The following NLRP2 variants were observed in gnomAD, a reference collection of about 807,000 sequenced individuals.
The protein encoded by NLRP2 is NLR family pyrin domain containing 2, also known as NACHT, LRR and PYD domains-containing protein 2.
In NLRP2, 107 loss-of-function variants were observed where a neutral mutation model predicts 97.2. The ratio of observed to expected loss-of-function variants is 1.10; its 90% CI spans 0.94 to 1.29. The LOEUF is 1.29. Ranked by LOEUF, NLRP2 falls within the 50% of genes most tolerant of loss-of-function variation. The pLI is 0.00. For synonymous variants in NLRP2, 663 were observed against 551.5 expected (o/e 1.20, Z -2.83); for missense variants, 1,495 against 1,330.3 (o/e 1.12, Z -1.93).
intron 4 of NLRP2, among the ~76,000 whole-genome samples, chr19:54,980,571 C>T (rs2071510274): frequency 6.6e-6 from 1 of 152,198 alleles, no homozygotes; most frequent in Non-Finnish European, 1.5e-5. Context: ...AAGACATTGG[C>T]AGAGAGACCC....
chr19:54,997,925 C>T (rs57854071), intron 12 of NLRP2, among the ~76,000 whole-genome samples: 45,332 of 151,418 alleles, frequency 0.3, 7,097 homozygotes, highest in Middle Eastern at 0.43. Context: ...CACCCAGCCA[C>T]GGCTGCCGTC....
In NLRP2 at chr19:54,982,888, C is replaced by T. The variant is rs2071703128; in HGVS notation, c.1190C>T (p.Ala397Val). The change falls in exon 6 of 13, where the codon GCC becomes GTC. Residue 397 changes from alanine to valine, a missense_variant. Transcript: ENST00000448584. ...SNAALFQLGS[A>V]PAVCWIVCTT... is the part of the protein sequence containing the mutation. ...GCGGCCCTGTTCCAGCTGGGCTCGG[C>T]CCCCGCGGTGTGCTGGATCGTGTGC... 3.7e-6 allele frequency: 6 copies of T among 1,612,914 alleles called. No homozygotes were observed. The highest frequency in any genetic ancestry group is 1.1e-5 in the South Asian group (1 of 91,042).
chr19:54,983,576 A>C lies in NLRP2; in HGVS notation c.1878A>C (p.Lys626Asn). 5 of 1,614,188 alleles carry C rather than the reference A, an allele frequency of 3.1e-6. No individual in the cohort carries two copies. The Middle Eastern group carries it at 8.3e-4, about 266-fold the overall frequency. ...ELVKEVMAQF[K>N]EISLHLNAVD... ...TGAAGGAGGTGATGGCTCAGTTCAA[A>C]GAAATATCCCTGCACTTAAATGCAG... The change falls in exon 6 of 13, where the codon AAA (lysine) becomes AAC (asparagine). Residue 626 changes from lysine to asparagine, a missense_variant. By Grantham distance (94) the Lys-to-Asn change is moderately conservative (BLOSUM62 0). Coordinates refer to ENST00000448584, the MANE Select transcript of NLRP2 (RefSeq NM_017852.5).
chr19:54,979,668 C>T (rs371035055), intron 4 of NLRP2, among the ~76,000 whole-genome samples: 1 of 151,918 alleles, frequency 6.6e-6, no homozygotes, highest in South Asian at 2.1e-4. Flanking sequence ...ACTTTTGATA[C>T]AGCAAGTATT....
Position 54,983,712 on chromosome 19 carries a change from G to C in NLRP2, c.2014G>C (p.Asp672His). ...GGAGAATGTCACTGCGTCTGAATCA[G>C]ACGCCGAGGTTGAGAGGTGAGAACC... ...LPENVTASES[D>H]AEVERSQDDQ... Residue 672 changes from aspartate to histidine, a missense_variant, in exon 6 of 13, where the codon GAC becomes CAC. Physicochemically the swap from Asp to His is moderately conservative, Grantham distance 81. Transcript: ENST00000448584. 1 of 1,612,174 alleles carries C rather than the reference G, an allele frequency of 6.2e-7. No individual in the cohort carries two copies. The highest frequency in any genetic ancestry group is 1.1e-5 in the South Asian group (1 of 91,032).
chr19:54,984,329 G>GTGTGTTTTTTTTTTTTTTTTTTTTTT lies in NLRP2; in HGVS notation c.2030+602_2030+603insGTGTTTTTTTTTTTTTTTTTTTTTTT. On this transcript the variant is annotated intron_variant, in intron 6 of 12. Coordinates refer to ENST00000448584, the MANE Select transcript of NLRP2 (RefSeq NM_017852.5). ...AACTTAAGTGGGGGTTTTTTTTTGT[G>GTGTGTTTTTTTTTTTTTTTTTTTTTT]TTTTTTTTTTTTTTTTTTTTTTTGG... Among the ~76,000 whole-genome samples the GTGTGTTTTTTTTTTTTTTTTTTTTTT allele has an allele frequency of 1.4e-3, 109 of 79,668 alleles. 9 individuals are homozygous for GTGTGTTTTTTTTTTTTTTTTTTTTTT. The highest frequency in any genetic ancestry group is 2.1e-3 in the Non-Finnish European group (85 of 39,960). 52.3% of individuals were successfully genotyped at this position (79,668 alleles called of 152,430 possible).
In NLRP2 at chr19:54,970,223, A is replaced by G; in HGVS notation, c.208A>G (p.Met70Val). ...CCATTGTGACAGCTACTGGGTGGAG[A>G]TGGCGAGCCTCCAGGTCTTTGAAAA... ...TTHCDSYWVE[M>V]ASLQVFEKMH... Residue 70 changes from methionine to valine, a missense_variant, in exon 2 of 13, where the codon ATG becomes GTG. Physicochemically the swap from Met to Val is conservative, Grantham distance 21. Coordinates refer to ENST00000448584, the MANE Select transcript of NLRP2 (RefSeq NM_017852.5). The G allele has an allele frequency of 5.0e-6, 8 of 1,614,140 alleles. No individual in the cohort carries two copies. Among genetic ancestry groups the G allele is most frequent in the Non-Finnish European group, 6.8e-6 (8 of 1,180,030 alleles).
chr19:54,981,317 C>T (rs1453246918), intron 4 of NLRP2, among the ~76,000 whole-genome samples: 3 of 151,988 alleles, frequency 2.0e-5, no homozygotes, highest in Middle Eastern at 3.2e-3. Flanking sequence ...TACAGGCATG[C>T]GCCACCACGC....
rs111481079 is a variant in NLRP2, at chr19:55,000,178, C to T, written c.3051-582C>T. On this transcript the variant is annotated intron_variant, in intron 12 of 12. Coordinates refer to ENST00000448584, the MANE Select transcript of NLRP2 (RefSeq NM_017852.5). ...CCTGTAGTCCCAGCTACTCGGGAGG[C>T]AGAGGATAGGATGGCTTGAACCCAA... 9.0e-3 allele frequency among the ~76,000 whole-genome samples: 1,311 copies of T among 146,120 alleles called. 12 individuals carry two copies. Among genetic ancestry groups the T allele is most frequent in the African/African-American group, 0.032 (1,261 of 39,162 alleles).
chr19:54,990,252 A>G (rs749381308), intron 9 of NLRP2, 60 bp downstream of exon 9: 16 of 1,552,332 alleles, frequency 1.0e-5, no homozygotes, highest in African/African-American at 4.1e-5. Flanking sequence ...CAGACGAGCA[A>G]TGGTCATGCC....
At chr19:54,979,973 C>T (rs937761533) in intron 4 of NLRP2, among the ~76,000 whole-genome samples, 1 of 151,980 alleles carries the variant, frequency 6.6e-6, no homozygotes, top group African/African-American at 2.4e-5. Flanking sequence ...GACAGGGTTT[C>T]ACCGTGTTAG....
chr19:54,983,147 CCTGGACGG>C lies in NLRP2; in HGVS notation c.1450_1457del (p.Leu484ArgfsTer39), dbSNP rs2071746941. 6.2e-7 allele frequency: 1 copy of C among 1,613,774 alleles called. No homozygotes were observed. The highest frequency in any genetic ancestry group is 2.2e-5 in the East Asian group (1 of 44,878). On this transcript the variant is annotated frameshift_variant, in exon 6 of 13. Transcript: ENST00000448584. LOFTEE classifies it high-confidence loss of function. ...TGCAGGAGTCCGACCTCCGTCTGTT[CCTGGACGG>C]AGACATCCTCCGCCAGGACAGAGTC...
intron 1 of NLRP2, among the ~76,000 whole-genome samples, chr19:54,968,198 G>C (rs879600142): frequency 6.8e-6 from 1 of 146,404 alleles, no homozygotes; most frequent in East Asian, 2.0e-4. Flanking sequence ...GATTACAGGC[G>C]TGAGCCACCG....
chr19:54,980,907 T>C (rs2071527528), intron 4 of NLRP2, among the ~76,000 whole-genome samples: 1 of 152,116 alleles, frequency 6.6e-6, no homozygotes, highest in African/African-American at 2.4e-5. Flanking sequence ...GTCAGCAGTT[T>C]TAGACTGGCC....
At position 54,975,270 on chromosome 19, in the gene NLRP2, G is replaced by A. The variant is rs900128749; in HGVS notation, c.325+726G>A. On this transcript the variant is annotated intron_variant, in intron 3 of 12. Transcript: ENST00000448584. ...TGAGTAGCTGGGACCACAGGCACTTGCCACCATGCCTGGCTAATTTTTTTC... is the reference window on the plus strand; with the variant it reads ...TGAGTAGCTGGGACCACAGGCACTTACCACCATGCCTGGCTAATTTTTTTC... 2.2e-3 allele frequency among the ~76,000 whole-genome samples: 296 copies of A among 137,052 alleles called. 2 individuals carry two copies. Among genetic ancestry groups the A allele is most frequent in the African/African-American group, 7.6e-3 (271 of 35,552 alleles). 89.9% of individuals were successfully genotyped at this position (137,052 alleles called of 152,430 possible).
At position 54,975,436 on chromosome 19, in the gene NLRP2, T is replaced by C. The variant is rs560015432; in HGVS notation, c.325+892T>C. On this transcript the variant is annotated intron_variant, in intron 3 of 12. Transcript: ENST00000448584. ...ACACCTGGCCCTTACCAGCTACTTA[T>C]ATCCTGAAGATTATTATTATTTTTT... is the stretch of plus-strand genomic sequence containing the variant. Among the ~76,000 whole-genome samples, 161 of 132,890 alleles carry C rather than the reference T, an allele frequency of 1.2e-3. 16 individuals carry two copies. The highest frequency in any genetic ancestry group is 3.9e-3 in the African/African-American group (134 of 34,088). 87.2% of individuals were successfully genotyped at this position (132,890 alleles called of 152,430 possible).
At chr19:54,988,593 G>A (rs574711377) in intron 8 of NLRP2, among the ~76,000 whole-genome samples, 3 of 152,012 alleles carry the variant, frequency 2.0e-5, no homozygotes, top group African/African-American at 7.2e-5. Flanking sequence ...GGGTTTCACC[G>A]TGTTGGCTGG....
At position 54,986,216 on chromosome 19, in the gene NLRP2, C is replaced by CTG; in HGVS notation, c.2269_2270dup (p.Thr758Ter). 1 of 1,612,544 alleles carries CTG rather than the reference C, an allele frequency of 6.2e-7. No homozygotes were observed. The highest frequency in any genetic ancestry group is 1.1e-5 in the South Asian group (1 of 91,050). Reference sequence around the variant, plus strand: ...TGCCTAGCTCTTCGAGGTCACAAGACTGTAACGTATCTGACCCTTCAAGGC... The same window carrying CTG: ...TGCCTAGCTCTTCGAGGTCACAAGACTGTGTAACGTATCTGACCCTTCAAGGC... On this transcript the variant is annotated frameshift_variant, in exon 8 of 13. Transcript: ENST00000448584. LOFTEE classifies it high-confidence loss of function.
Position 54,976,189 on chromosome 19 carries a change from G to A in NLRP2, c.326-1563G>A, listed in dbSNP as rs148793991. Among the ~76,000 whole-genome samples, 1,386 of 152,068 alleles carry A rather than the reference G, an allele frequency of 9.1e-3. 8 individuals carry two copies. The highest frequency in any genetic ancestry group is 0.017 in the Middle Eastern group (5 of 294). ...CTTGCCTCAGCCTCCCGAGTAGCTG[G>A]GATTATAGGTGTCTGCCACCAAGCC... On this transcript the variant is annotated intron_variant, in intron 3 of 12. Transcript: ENST00000448584.
Sources: gnomAD v4.1 joint callset for allele counts (sites outside exome capture counted in the v4.1 genomes callset) on GRCh38, gnomAD v4.1.1 for gene constraint, MANE v1.5 for transcripts, NCBI Gene and HGNC (gene_info 2026-07-23, HGNC 2026-07-21) for gene names.